EHMT1: variants seen among roughly 807,000 people sequenced by gnomAD.
The protein encoded by EHMT1 is euchromatic histone lysine methyltransferase 1, also known as histone-lysine N-methyltransferase EHMT1.
Under a neutral mutation model 147.2 loss-of-function variants are expected in EHMT1, and 15 were observed. The ratio of observed to expected loss-of-function variants is 0.10; its 90% CI spans 0.07 to 0.16. The LOEUF (loss-of-function observed/expected upper bound fraction) is 0.16. Among genes scored for constraint, EHMT1 ranks in the 10% least tolerant of loss-of-function variants. EHMT1 has a pLI of 1.00. For missense variants in EHMT1, 1,587 were observed against 1,772.4 expected (o/e 0.90, Z 1.88); for synonymous variants, 795 against 709.6 (o/e 1.12, Z -1.91).
intron 6 of EHMT1, among the ~76,000 whole-genome samples, chr9:137,744,996 A>G (rs1948427100): frequency 6.6e-6 from 1 of 152,376 alleles, no homozygotes; most frequent in South Asian, 2.1e-4. Flanking sequence ...AAGGACGAAC[A>G]GTGGAAAGTT....
At chr9:137,668,375 A>T (rs1209563901) in intron 1 of EHMT1, among the ~76,000 whole-genome samples, 1 of 145,716 alleles carries the variant, frequency 6.9e-6, no homozygotes, top group East Asian at 2.0e-4. Context: ...CCACTCATCC[A>T]TCCATCCATC....
At chr9:137,647,843 C>T (rs912766383) in intron 1 of EHMT1, among the ~76,000 whole-genome samples, 4 of 152,078 alleles carry the variant, frequency 2.6e-5, no homozygotes, top group African/African-American at 4.8e-5. Context: ...GCAATCCACC[C>T]GCCTCGGCCT....
intron 1 of EHMT1, among the ~76,000 whole-genome samples, chr9:137,659,435 G>T (rs532529989): frequency 1.3e-5 from 2 of 151,958 alleles, no homozygotes; most frequent in East Asian, 3.9e-4. Context: ...TTTAGAGACA[G>T]GGTCTTGCTA....
chr9:137,718,720 G>A (rs1588342330), intron 3 of EHMT1, among the ~76,000 whole-genome samples: 1 of 150,220 alleles, frequency 6.7e-6, no homozygotes, highest in East Asian at 1.9e-4. Flanking sequence ...TTCATGCCCA[G>A]TATCTCTGAT....
At chr9:137,645,320 G>C (rs1844808187) in intron 1 of EHMT1, among the ~76,000 whole-genome samples, 1 of 152,234 alleles carries the variant, frequency 6.6e-6, no homozygotes, top group Non-Finnish European at 1.5e-5. Flanking sequence ...TTGTGGCCCA[G>C]GGTGAATATT....
intron 25 of EHMT1, among the ~76,000 whole-genome samples, chr9:137,829,954 G>T (rs1466706010): frequency 1.3e-5 from 2 of 152,170 alleles, no homozygotes; most frequent in Non-Finnish European, 2.9e-5. Flanking sequence ...GGGCTTTGTG[G>T]TTACTCCTCA....
chr9:137,691,553 C>T (rs1264862041), intron 1 of EHMT1, among the ~76,000 whole-genome samples: 2 of 152,046 alleles, frequency 1.3e-5, no homozygotes, highest in African/African-American at 4.8e-5. Context: ...ACTTGGGTTG[C>T]TTCCACCCCT....
intron 25 of EHMT1, among the ~76,000 whole-genome samples, chr9:137,832,150 C>T (rs1329592956): frequency 2.1e-5 from 3 of 145,136 alleles, no homozygotes; most frequent in South Asian, 4.5e-4. Flanking sequence ...CCCCACGTGG[C>T]CCCTGTGCCT....
At chr9:137,814,333 A>G (rs1588860841) in intron 21 of EHMT1, 98 bp from the exon 22 acceptor site, 2 of 1,318,006 alleles carry the variant, frequency 1.5e-6, no homozygotes, top group East Asian at 4.6e-5. Context: ...CACTTACCAG[A>G]ATCAGGGTTA....
chr9:137,712,782 C>T (rs1369923874), intron 2 of EHMT1, among the ~76,000 whole-genome samples: 1 of 152,024 alleles, frequency 6.6e-6, no homozygotes, highest in Admixed American at 6.6e-5. Flanking sequence ...TGATGAAGTC[C>T]GACTTACCTG....
chr9:137,765,597 T>C (rs1277929115), intron 10 of EHMT1, among the ~76,000 whole-genome samples: 1 of 152,104 alleles, frequency 6.6e-6, no homozygotes, highest in African/African-American at 2.4e-5. Context: ...AGCTGAGCTC[T>C]GGTAAACACC....
chr9:137,774,513 C>G (rs1950808135), intron 10 of EHMT1, among the ~76,000 whole-genome samples: 1 of 131,642 alleles, frequency 7.6e-6, no homozygotes, highest in Non-Finnish European at 1.6e-5. Flanking sequence ...GCCTGGCCCC[C>G]TGGATCTGGT....
chr9:137,826,015 G>A (rs1029157745), intron 25 of EHMT1, among the ~76,000 whole-genome samples: 1 of 152,158 alleles, frequency 6.6e-6, no homozygotes, highest in Non-Finnish European at 1.5e-5. Flanking sequence ...ATTGAAATAA[G>A]CCTATGATTT....
In EHMT1 at chr9:137,803,240, ATAGG is replaced by A; in HGVS notation, c.2712+2261_2712+2264del. The stretch of plus-strand genomic sequence containing the variant: ...AATTTAACCACTTTATTGCTGTATA[ATAGG>A]TAGGCTGCATATATTCAAAGTACAC... On this transcript the variant is annotated intron_variant, in intron 18 of 26. Transcript: ENST00000460843. The A allele has an allele frequency of 1.4e-5, 15 of 1,096,816 alleles. No homozygotes were observed. The South Asian group carries it at 6.7e-4, about 49-fold the overall frequency. 67.9% of individuals were successfully genotyped at this position (1,096,816 alleles called of 1,614,324 possible).
At chr9:137,714,035 A>G (rs1314775311) in intron 2 of EHMT1, among the ~76,000 whole-genome samples, 1 of 152,210 alleles carries the variant, frequency 6.6e-6, no homozygotes, top group Non-Finnish European at 1.5e-5. Context: ...ATTAGTTCTA[A>G]TGATTTAAAC....
intron 25 of EHMT1, among the ~76,000 whole-genome samples, chr9:137,821,043 A>G (rs2132876648): frequency 6.6e-6 from 1 of 152,254 alleles, no homozygotes. Context: ...ACGCCCGGCT[A>G]ACTTTTTGTA....
chr9:137,710,903 A>T, intron 1 of EHMT1, 64 bp from the exon 2 acceptor site: 1 of 1,528,354 alleles, frequency 6.5e-7, no homozygotes, highest in Non-Finnish European at 8.9e-7. Context: ...TTTCCAAATG[A>T]TGTCCATTTG....
chr9:137,773,363 A>T lies in EHMT1; in HGVS notation c.1648-1746A>T, dbSNP rs116962498. ...TTCAGGATGTACATGCCCTGGTTCT[A>T]CGCCTTTCAGGTCTTGTTCCATAGG... On this transcript the variant is annotated intron_variant, in intron 10 of 26. Transcript: ENST00000460843. Among the ~76,000 whole-genome samples, 390 of 152,162 alleles carry T rather than the reference A, an allele frequency of 2.6e-3. 13 individuals are homozygous for T. In the East Asian group the frequency reaches 0.063, roughly 25 times the overall value.
In EHMT1 at chr9:137,659,045, C is replaced by T. The variant is rs142540678; in HGVS notation, c.21+39996C>T. On this transcript the variant is annotated intron_variant, in intron 1 of 26. Coordinates refer to ENST00000460843, the MANE Select transcript of EHMT1 (RefSeq NM_024757.5). ...TTGAGTCAATTGAATGTGTGTAAAACGGCATGTCATTATCATCTTATTTGG... is the reference window on the plus strand; with the variant it reads ...TTGAGTCAATTGAATGTGTGTAAAATGGCATGTCATTATCATCTTATTTGG... Among the ~76,000 whole-genome samples the T allele has an allele frequency of 4.7e-3, 722 of 152,194 alleles. 17 individuals carry two copies. Among genetic ancestry groups the T allele is most frequent in the Admixed American group, 0.04 (608 of 15,268 alleles).
Sources: gnomAD v4.1 joint callset for allele counts (sites outside exome capture counted in the v4.1 genomes callset) on GRCh38, gnomAD v4.1.1 for gene constraint, MANE v1.5 for transcripts, NCBI Gene and HGNC (gene_info 2026-07-23, HGNC 2026-07-21) for gene names.